Variants in ZNF711 observed in about 807,000 individuals in gnomAD.
ZNF711 encodes ZFX family zinc finger ZNF711, also known as zinc finger protein 711.
A neutral mutation model predicts 43.5 loss-of-function variants in ZNF711; 3 were observed. That is an observed-to-expected ratio of 0.07 (90% CI 0.03 to 0.18). ZNF711 has a LOEUF of 0.18. Among genes scored for constraint, ZNF711 ranks in the 10% least tolerant of loss-of-function variants. ZNF711 has a pLI of 1.00. For missense variants in ZNF711, 412 were observed against 604.0 expected (o/e 0.68, Z 3.33); for synonymous variants, 209 against 207.7 (o/e 1.01, Z -0.06).
chrX:85,257,058 G>GT (rs1225371338), intron 5 of ZNF711, among the ~76,000 whole-genome samples: 1 of 111,691 alleles, frequency 9.0e-6, no homozygotes, highest in African/African-American at 3.3e-5. Context: ...ATTGTGAACA[G>GT]TCATACCTTG....
intron 5 of ZNF711, among the ~76,000 whole-genome samples, chrX:85,260,006 C>T (rs1323458034): frequency 5.4e-5 from 6 of 110,734 alleles, no homozygotes; most frequent in African/African-American, 2.0e-4. Context: ...TCATTCAGTT[C>T]GATATTGGCT....
At position 85,271,844 on chromosome X, in the gene ZNF711, G is replaced by C; in HGVS notation, c.*16G>C. ...TCTTATGTAATAAGATCAATATAAA[G>C]AAAGAAGCTATTTAGGAGATATGAT... On this transcript the variant is annotated 3_prime_UTR_variant, in exon 11 of 11. Coordinates refer to ENST00000674551, the MANE Select transcript of ZNF711 (RefSeq NM_001330574.2). 8.5e-7 allele frequency: 1 copy of C among 1,170,234 alleles called. No individual in the cohort carries two copies. Among genetic ancestry groups the C allele is most frequent in the Non-Finnish European group, 1.2e-6 (1 of 859,325 alleles).
At chrX:85,260,987 A>G (rs2147841595) in intron 5 of ZNF711, among the ~76,000 whole-genome samples, 1 of 111,712 alleles carries the variant, frequency 9.0e-6, no homozygotes, top group East Asian at 2.8e-4. Context: ...AAACTGGAGG[A>G]AAGAAAATGT....
At chrX:85,270,371 C>A (rs1931481292) in intron 10 of ZNF711, among the ~76,000 whole-genome samples, 1 of 107,588 alleles carries the variant, frequency 9.3e-6, no homozygotes, top group South Asian at 4.1e-4. Flanking sequence ...AGAGAATTTT[C>A]AGGTTGGTTT....
At chrX:85,257,610 G>A (rs1325505605) in intron 5 of ZNF711, among the ~76,000 whole-genome samples, 1 of 112,177 alleles carries the variant, frequency 8.9e-6, no homozygotes, top group African/African-American at 3.2e-5. Context: ...CTTTGCTATT[G>A]TAAATAATGC....
rs1447311013 is a variant in ZNF711 at position 85,252,325 on chromosome X, A to C, written c.80-2934A>C. 5.4e-5 allele frequency among the ~76,000 whole-genome samples: 6 copies of C among 111,598 alleles called. No homozygotes were observed. In the Admixed American group the frequency reaches 5.7e-4, roughly 11 times the overall value. ...CCTGCTAGAGGCTAAGTGAACTAGCACTGTTCCTTCAGTCTATCCTCTTAG... is the reference window on the plus strand; with the variant it reads ...CCTGCTAGAGGCTAAGTGAACTAGCCCTGTTCCTTCAGTCTATCCTCTTAG... On this transcript the variant is annotated intron_variant, in intron 4 of 10. Coordinates refer to ENST00000674551, the MANE Select transcript of ZNF711 (RefSeq NM_001330574.2).
At chrX:85,257,540 T>C (rs1930273090) in intron 5 of ZNF711, among the ~76,000 whole-genome samples, 1 of 112,321 alleles carries the variant, frequency 8.9e-6, no homozygotes, top group Admixed American at 9.4e-5. Flanking sequence ...CTGTGGTGTA[T>C]ATGTACCACA....
At position 85,255,392 on chromosome X, in the gene ZNF711, C is replaced by G. The variant is rs754557622; in HGVS notation, c.213C>G (p.Val71=). The G allele has an allele frequency of 3.3e-6, 4 of 1,209,563 alleles. No individual in the cohort carries two copies. The African/African-American group carries it at 5.3e-5, about 16-fold the overall frequency. The change falls in exon 5 of 11, where the codon GTC becomes GTG. Residue 71 remains valine, a synonymous_variant. Transcript: ENST00000674551. The stretch of plus-strand genomic sequence containing the variant: ...ATCATGGCCTTGCAGCTGAAGTTGT[C>G]CATGGACCTGATATCATCACAGAGA... ...TLDHGLAAEV[V]HGPDIITETD...
rs1930752302 is a variant in ZNF711, at chrX:85,262,568, T to G, written c.623-1707T>G. ...AACATTATTTTATAAGAGAAGCTAT[T>G]AAGCCAGTAATATCAAATACTTAAT... On this transcript the variant is annotated intron_variant, in intron 5 of 10. Transcript: ENST00000674551. 4.5e-5 allele frequency among the ~76,000 whole-genome samples: 5 copies of G among 110,502 alleles called. No homozygotes were observed. In the South Asian group the frequency reaches 1.9e-3, roughly 42 times the overall value.
intron 10 of ZNF711, 125 bp from the exon 11 acceptor site, chrX:85,270,526 T>A (rs988730127): frequency 1.6e-6 from 1 of 616,676 alleles, no homozygotes; most frequent in Non-Finnish European, 2.6e-6. Context: ...TTTTTTATAT[T>A]ACAGGATTTC....
intron 9 of ZNF711, among the ~76,000 whole-genome samples, chrX:85,269,726 T>A (rs1216701401): frequency 4.5e-5 from 5 of 111,960 alleles, no homozygotes; most frequent in Non-Finnish European, 9.4e-5. Flanking sequence ...CCTGATAAAA[T>A]AGAGATATTT....
intron 4 of ZNF711, among the ~76,000 whole-genome samples, chrX:85,250,050 A>G (rs971515747): frequency 8.9e-6 from 1 of 112,569 alleles, no homozygotes; most frequent in African/African-American, 3.2e-5. Flanking sequence ...TTCACTGCCA[A>G]TGATATTCCA....
At chrX:85,261,594 G>C (rs186845317) in intron 5 of ZNF711, among the ~76,000 whole-genome samples, 65 of 111,073 alleles carry the variant, frequency 5.9e-4, no homozygotes, top group African/African-American at 2.1e-3. Flanking sequence ...AAAATAAAAA[G>C]CCTACCTAAC....
intron 7 of ZNF711, 127 bp from the exon 8 acceptor site, chrX:85,267,151 T>A: frequency 1.7e-6 from 1 of 576,684 alleles, no homozygotes; most frequent in Admixed American, 5.5e-5. Context: ...TAAATTGAAA[T>A]TAAATTTATA....
intron 4 of ZNF711, among the ~76,000 whole-genome samples, chrX:85,250,306 C>T (rs1387732572): frequency 9.0e-6 from 1 of 111,333 alleles, no homozygotes; most frequent in African/African-American, 3.3e-5. Context: ...TATATACACA[C>T]ATATACCTAT....
At chrX:85,266,820 A>AT (rs1931135965) in intron 7 of ZNF711, among the ~76,000 whole-genome samples, 1 of 107,496 alleles carries the variant, frequency 9.3e-6, no homozygotes, top group South Asian at 4.0e-4. Context: ...TTTATTTTAA[A>AT]TTTTTTTCAA....
intron 2 of ZNF711, among the ~76,000 whole-genome samples, 182 bp downstream of exon 2, chrX:85,246,204 AT>A (rs200499308): frequency 0.08 from 8,998 of 112,126 alleles, 796 homozygotes; most frequent in African/African-American, 0.26. Context: ...TTTCAGATTT[AT>A]TTTGTTAACA....
intron 9 of ZNF711, among the ~76,000 whole-genome samples, chrX:85,268,548 C>T (rs1931300709): frequency 9.1e-6 from 1 of 110,212 alleles, no homozygotes; most frequent in Non-Finnish European, 1.9e-5. Context: ...AATGCAGTTC[C>T]ATTTAGATTT....
chrX:85,255,373 G>A lies in ZNF711; in HGVS notation c.194G>A (p.Gly65Asp). 1 of 1,211,550 alleles carries A rather than the reference G, an allele frequency of 8.3e-7. No homozygotes were observed. The highest frequency in any genetic ancestry group is 1.1e-6 in the Non-Finnish European group (1 of 895,446). Reference protein sequence around the residue: ...VTDDGITLDHGLAAEVVHGPD... With the variant: ...VTDDGITLDHDLAAEVVHGPD... ...GATGATGGGATAACTCTTGATCATG[G>A]CCTTGCAGCTGAAGTTGTCCATGGA... Residue 65 changes from glycine (G) to aspartate (D), a missense_variant, in exon 5 of 11, where the codon GGC (glycine) becomes GAC (aspartate). Around this residue, in one of 4 missense-constraint regions of ZNF711, gnomAD observed 375 missense variants for 514.2 expected, o/e 0.73. Coordinates refer to ENST00000674551, the MANE Select transcript of ZNF711 (RefSeq NM_001330574.2).
Sources: allele counts gnomAD v4.1 joint callset (sites outside exome capture counted in the v4.1 genomes callset), GRCh38; gene constraint gnomAD v4.1.1; regional missense constraint gnomAD v4.1.1; transcripts MANE v1.5; gene names NCBI Gene and HGNC (gene_info 2026-07-23, HGNC 2026-07-21).